The following CELF2 variants were observed in gnomAD, a reference collection of about 807,000 sequenced individuals.
CELF2 encodes the protein CUGBP Elav-like family member 2.
CELF2 carries 8 observed loss-of-function variants against 62.6 expected under a neutral mutation model. The ratio of observed to expected loss-of-function variants is 0.13; its 90% CI spans 0.07 to 0.23. CELF2 has a LOEUF of 0.23. Among genes scored for constraint, CELF2 ranks in the 10% least tolerant of loss-of-function variants. CELF2 has a pLI of 1.00. For synonymous variants in CELF2, 258 were observed against 250.0 expected (o/e 1.03, Z -0.30); for missense variants, 333 against 671.0 (o/e 0.50, Z 5.56).
chr10:10,808,909 A>G lies in CELF2; in HGVS notation c.53+10092A>G, dbSNP rs189410442. Among the ~76,000 whole-genome samples, 83 of 152,280 alleles carry G rather than the reference A, an allele frequency of 5.5e-4. 1 individual carries two copies. The highest frequency in any genetic ancestry group is 4.2e-3 in the Admixed American group (64 of 15,306). ...CAAACTAGGTTTGAGTCCATACGCT[A>G]TTGATATTGAAGCTCATTTTTAAAA... On this transcript the variant is annotated intron_variant, in intron 1 of 13. Coordinates refer to the CELF2 transcript ENST00000636488.
chr10:11,138,995 ATATT>A (rs1257248846), intron 1 of CELF2, among the ~76,000 whole-genome samples: 3 of 152,226 alleles, frequency 2.0e-5, no homozygotes, highest in Non-Finnish European at 2.9e-5. Context: ...TATGGCAATT[ATATT>A]TATTCTATTT....
the CELF2 span, among the ~76,000 whole-genome samples, chr10:10,682,987 C>A: frequency 6.6e-6 from 1 of 152,208 alleles, no homozygotes; most frequent in African/African-American, 2.4e-5. Flanking sequence ...CAGTGCCACA[C>A]TCACAGAACG....
In CELF2 at chr10:11,128,793, G is replaced by T. The variant is rs562006700; in HGVS notation, c.75-36693G>T. On this transcript the variant is annotated intron_variant, in intron 1 of 12. Coordinates refer to ENST00000633077, the MANE Select transcript of CELF2 (RefSeq NM_001326342.2). ...AGACTTTGGGCTGAGATGATGGGGTGTTCTAGATATACAATCATGTCGTCT... is the reference window on the plus strand; with the variant it reads ...AGACTTTGGGCTGAGATGATGGGGTTTTCTAGATATACAATCATGTCGTCT... Among the ~76,000 whole-genome samples the T allele has an allele frequency of 1.8e-3, 271 of 152,170 alleles. 1 individual carries two copies. Among genetic ancestry groups the T allele is most frequent in the African/African-American group, 6.2e-3 (256 of 41,530 alleles).
At chr10:10,627,719 C>A in the CELF2 span, among the ~76,000 whole-genome samples, 1 of 152,182 alleles carries the variant, frequency 6.6e-6, no homozygotes, top group African/African-American at 2.4e-5. Context: ...CCCCTCCTGG[C>A]TCTTTTGAGC....
the CELF2 span, among the ~76,000 whole-genome samples, chr10:10,508,704 G>GTGTATA: frequency 6.6e-5 from 4 of 60,914 alleles, no homozygotes; most frequent in African/African-American, 2.1e-4. Flanking sequence ...GTGTGTGTGT[G>GTGTATA]TATATTTTTT....
intron 1 of CELF2, among the ~76,000 whole-genome samples, chr10:11,107,244 G>A (rs918458921): frequency 6.6e-6 from 1 of 152,066 alleles, no homozygotes; most frequent in African/African-American, 2.4e-5. Context: ...GGGGGCTGGG[G>A]GGCTGTGGCA....
intron 1 of CELF2, among the ~76,000 whole-genome samples, chr10:11,133,234 C>T (rs1176957850): frequency 2.6e-5 from 4 of 152,128 alleles, no homozygotes; most frequent in Non-Finnish European, 5.9e-5. Flanking sequence ...AAGAGGACAA[C>T]CAGGTAGAGT....
the CELF2 span, among the ~76,000 whole-genome samples, chr10:10,635,218 C>T: frequency 2.0e-5 from 3 of 152,060 alleles, no homozygotes; most frequent in African/African-American, 7.2e-5. Context: ...CCAGTTGCCC[C>T]CTAAGAAATT....
chr10:10,507,376 TG>T, the CELF2 span, among the ~76,000 whole-genome samples: 1 of 152,238 alleles, frequency 6.6e-6, no homozygotes, highest in African/African-American at 2.4e-5. Context: ...CAGGATTATT[TG>T]TTTTAGATTT....
At chr10:11,253,302 CTG>C (rs1302255125) in intron 4 of CELF2, among the ~76,000 whole-genome samples, 3 of 152,184 alleles carry the variant, frequency 2.0e-5, no homozygotes, top group Admixed American at 1.3e-4. Context: ...CTTAAGCCTG[CTG>C]TGTGTGTCTC....
At chr10:10,650,117 T>C in the CELF2 span, among the ~76,000 whole-genome samples, 6 of 152,346 alleles carry the variant, frequency 3.9e-5, no homozygotes, top group South Asian at 2.1e-4. Flanking sequence ...CAGGGAATGA[T>C]AGAGGACAGT....
the CELF2 span, among the ~76,000 whole-genome samples, chr10:10,621,038 A>C: frequency 6.6e-6 from 1 of 150,612 alleles, no homozygotes; most frequent in Non-Finnish European, 1.5e-5. Context: ...CCTGGCTAAC[A>C]CGGTGAAACC....
chr10:11,212,737 GTTTTTTT>G lies in CELF2; in HGVS notation c.272-4673_272-4667del, dbSNP rs11354880. On this transcript the variant is annotated intron_variant, in intron 2 of 12. Transcript: ENST00000633077. ...AGGATGGTGTTTTTTTGTGTTTTGG[GTTTTTTT>G]TTTTTTTTTTTTTTGCTTCAAGGAC... is the stretch of plus-strand genomic sequence containing the variant. Among the ~76,000 whole-genome samples the G allele has an allele frequency of 3.3e-5, 3 of 91,982 alleles. No individual in the cohort carries two copies. In the East Asian group the frequency reaches 1.1e-3, roughly 32 times the overall value. The allele number at this position is 91,982 out of a possible 152,430, so 60.3% of individuals were successfully genotyped here. A position where few individuals can be genotyped will look rare whatever the true frequency, so the allele number is the denominator to read the frequency against.
chr10:10,954,231 T>C (rs1365390291), intron 2 of CELF2, among the ~76,000 whole-genome samples: 1 of 139,256 alleles, frequency 7.2e-6, no homozygotes, highest in East Asian at 2.0e-4. Flanking sequence ...TTATTATTAT[T>C]ATTATTATTA....
At position 11,247,141 on chromosome 10, in the gene CELF2, C is replaced by T. The variant is rs959065855; in HGVS notation, c.355-2012C>T. Among the ~76,000 whole-genome samples, 3 of 152,244 alleles carry T rather than the reference C, an allele frequency of 2.0e-5. No individual in the cohort carries two copies. The highest frequency in any genetic ancestry group is 2.9e-5 in the Non-Finnish European group (2 of 68,046). ...TCTCGTCTGTAATCCACCCTCCACA[C>T]GGCAGCCAAAATGGCTTTTCTAGAA... is the stretch of plus-strand genomic sequence containing the variant. On this transcript the variant is annotated intron_variant, in intron 3 of 12. Transcript: ENST00000633077. This position sits in a 1 kb window ranked among gnomAD's most constrained non-coding sequence, Gnocchi z 5.4.
chr10:10,960,435 C>G (rs1226217996), intron 2 of CELF2: 1 of 152,240 alleles, frequency 6.6e-6, no homozygotes, highest in South Asian at 2.1e-4. Context: ...TTAGAACATT[C>G]TGTCAGATAG....
chr10:11,198,150 G>C (rs566187012), intron 2 of CELF2, among the ~76,000 whole-genome samples: 28 of 152,242 alleles, frequency 1.8e-4, no homozygotes, highest in Non-Finnish European at 2.9e-4. Flanking sequence ...GCTGTTCTAA[G>C]ACTGATGAAA....
the CELF2 span, among the ~76,000 whole-genome samples, chr10:10,484,655 C>T: frequency 2.0e-5 from 3 of 151,800 alleles, no homozygotes; most frequent in Admixed American, 6.6e-5. Flanking sequence ...GCTTTTCAGT[C>T]GGTTAGGAAT....
intron 2 of CELF2, among the ~76,000 whole-genome samples, chr10:10,978,000 G>C (rs201094): frequency 0.015 from 2,214 of 149,660 alleles, 55 homozygotes; most frequent in African/African-American, 0.051. Context: ...AAGAAGGAAG[G>C]TATTTTGTGT....
Sources: gnomAD v4.1 joint callset for allele counts (sites outside exome capture counted in the v4.1 genomes callset) on GRCh38, gnomAD v4.1.1 for gene constraint, Gnocchi (gnomAD v3.1) non-coding constraint, MANE v1.5 for transcripts, NCBI Gene and HGNC (gene_info 2026-07-23, HGNC 2026-07-21) for gene names.